DHX8: variants seen among roughly 807,000 people sequenced by gnomAD.
DHX8 encodes DEAH-box helicase 8.
DHX8 carries 67 observed loss-of-function variants against 140.7 expected under a neutral mutation model. The ratio of observed to expected loss-of-function variants is 0.48; its 90% CI spans 0.39 to 0.58. The LOEUF (loss-of-function observed/expected upper bound fraction) is 0.58, where lower values mean the gene tolerates loss of function less well. DHX8 is among the 20% of genes least tolerant of loss of function. The pLI, the probability that DHX8 is intolerant of heterozygous loss-of-function variation, is 0.00. For synonymous variants in DHX8, 533 were observed against 553.2 expected (o/e 0.96, Z 0.51); for missense variants, 887 against 1,550.7 (o/e 0.57, Z 7.19).
intron 7 of DHX8, 43 bp from the exon 8 acceptor site, chr17:43,493,640 A>G (rs1414330555): frequency 6.8e-6 from 11 of 1,614,186 alleles, no homozygotes; most frequent in Non-Finnish European, 9.3e-6. Flanking sequence ...AGGGAATGGA[A>G]GAGGACAGCA....
chr17:43,513,939 G>A lies in DHX8; in HGVS notation c.2643+437G>A, dbSNP rs116979274. Among the ~76,000 whole-genome samples, 1,058 of 151,868 alleles carry A rather than the reference G, an allele frequency of 7.0e-3. 6 individuals carry two copies. The highest frequency in any genetic ancestry group is 0.01 in the Middle Eastern group (3 of 290). The stretch of plus-strand genomic sequence containing the variant: ...TGTTGGTCAGGCTGGTCTTGAACTC[G>A]CAACCTCAGATGATCCACCCGTCTT... On this transcript the variant is annotated intron_variant, in intron 17 of 22. Coordinates refer to ENST00000262415, the MANE Select transcript of DHX8 (RefSeq NM_004941.3).
intron 15 of DHX8, 145 bp from the exon 16 acceptor site, chr17:43,508,194 T>A: frequency 8.2e-7 from 1 of 1,216,858 alleles, no homozygotes; most frequent in South Asian, 1.5e-5. Context: ...ATGTCATATA[T>A]AAACAAACTT....
chr17:43,521,690 T>C, intron 21 of DHX8, 125 bp downstream of exon 21: 1 of 919,378 alleles, frequency 1.1e-6, no homozygotes, highest in Non-Finnish European at 1.6e-6. Flanking sequence ...ATAACCCTTT[T>C]CCTCCAGCTT....
intron 2 of DHX8, among the ~76,000 whole-genome samples, chr17:43,536,117 AAAACAAACAAAC>A (rs113078365): frequency 2.6e-5 from 4 of 151,608 alleles, no homozygotes; most frequent in Non-Finnish European, 5.9e-5. Context: ...TCTTGGGGGG[AAAACAAACAAAC>A]AAACAAACAA....
rs942956841 is a variant in DHX8, at chr17:43,490,441, A to C, written c.285A>C (p.Pro95=). Residue 95 remains proline, a synonymous_variant, in exon 3 of 23, where the codon CCA becomes CCC. Coordinates refer to ENST00000262415, the MANE Select transcript of DHX8 (RefSeq NM_004941.3). The part of the protein sequence containing the change: ...LLRLIQTMRP[P]AKPSTSKDPV... ...GTCTCATACAAACCATGCGGCCTCC[A>C]GCGAAGCCTTCCACTAGCAAAGGTA... 6 of 1,613,772 alleles carry C rather than the reference A, an allele frequency of 3.7e-6. No individual in the cohort carries two copies. In the African/African-American group the frequency reaches 8.0e-5, roughly 22 times the overall value.
In DHX8 at chr17:43,507,088, C is replaced by G; in HGVS notation, c.1814C>G (p.Ala605Gly). ...CAGATCACCCAGTACCTGGCGGAGGCAGGCTACACTTCCAGGGGCAAGATT... is the reference window on the plus strand; with the variant it reads ...CAGATCACCCAGTACCTGGCGGAGGGAGGCTACACTTCCAGGGGCAAGATT... ...TTQITQYLAE[A>G]GYTSRGKIGC... The change falls in exon 13 of 23, where the codon GCA becomes GGA. Residue 605 changes from alanine (A) to glycine (G), a missense_variant. Physicochemically the swap from Ala to Gly is moderately conservative, Grantham distance 60. This residue lies in a region of DHX8 where 178 missense variants were observed against 398.5 expected (regional missense o/e 0.45). Transcript: ENST00000262415. 6.2e-7 allele frequency: 1 copy of G among 1,614,048 alleles called. No homozygotes were observed. Among genetic ancestry groups the G allele is most frequent in the Non-Finnish European group, 8.5e-7 (1 of 1,180,016 alleles).
Position 43,492,767 on chromosome 17 carries a change from A to T in DHX8, c.590A>T (p.Asp197Val), listed in dbSNP as rs748497565. ...GATAGGGAACGAAACCGAGATAGAGACCACAAGCGGAGACACCGATCCCGC... is the reference window on the plus strand; with the variant it reads ...GATAGGGAACGAAACCGAGATAGAGTCCACAAGCGGAGACACCGATCCCGC... ...DRDRERNRDR[D>V]HKRRHRSRSR... The change falls in exon 6 of 23, where the codon GAC becomes GTC. Residue 197 changes from aspartate (D) to valine (V), a missense_variant. Asp to Val is a radical substitution (Grantham distance 152). Transcript: ENST00000262415. The T allele has an allele frequency of 6.2e-7, 1 of 1,614,122 alleles. No individual in the cohort carries two copies. The highest frequency in any genetic ancestry group is 8.5e-7 in the Non-Finnish European group (1 of 1,179,974).
intron 1 of DHX8, 48 bp downstream of exon 1, chr17:43,484,233 C>CGGAAGGA (rs11279905): frequency 8.5e-6 from 13 of 1,529,926 alleles, no homozygotes; most frequent in Non-Finnish European, 1.1e-5. Flanking sequence ...TTGAGGGAAG[C>CGGAAGGA]GGAAGGAGGA....
chr17:43,485,934 C>T (rs1416432390), intron 1 of DHX8, among the ~76,000 whole-genome samples: 6 of 152,150 alleles, frequency 3.9e-5, no homozygotes, highest in Non-Finnish European at 7.3e-5. Context: ...TGGTGGCTCA[C>T]GCCTGTAATC....
intron 17 of DHX8, among the ~76,000 whole-genome samples, chr17:43,515,851 T>C (rs146467711): frequency 6.6e-6 from 1 of 152,284 alleles, no homozygotes; most frequent in East Asian, 1.9e-4. Context: ...TATCCTTTGG[T>C]TTGGAGCTGG....
At chr17:43,532,392 G>T (rs1460838871) in intron 2 of DHX8, among the ~76,000 whole-genome samples, 1 of 152,044 alleles carries the variant, frequency 6.6e-6, no homozygotes, top group Non-Finnish European at 1.5e-5. Context: ...CCAGGTACTC[G>T]GGAGGCTGAG....
chr17:43,504,878 AG>A, intron 12 of DHX8, 53 bp downstream of exon 12: 1 of 1,506,488 alleles, frequency 6.6e-7, no homozygotes, highest in Non-Finnish European at 9.0e-7. Context: ...TGTCTAAAAG[AG>A]GGGTGATATT....
At chr17:43,497,809 A>G (rs1968950617) in intron 9 of DHX8, among the ~76,000 whole-genome samples, 1 of 152,132 alleles carries the variant, frequency 6.6e-6, no homozygotes, top group South Asian at 2.1e-4. Flanking sequence ...TTTGCTGGGC[A>G]GTTCCAAATT....
downstream of DHX8, chr17:43,526,026 G>C (rs147872257): frequency 6.1e-6 from 6 of 985,368 alleles, no homozygotes; most frequent in East Asian, 5.7e-4. Context: ...ATCTCTCTAC[G>C]CTAGAGCTGA....
intron 17 of DHX8, among the ~76,000 whole-genome samples, chr17:43,514,736 A>G (rs1475037848): frequency 6.6e-6 from 1 of 152,224 alleles, no homozygotes; most frequent in Non-Finnish European, 1.5e-5. Context: ...ATTGGTTTAT[A>G]TCAGAGGAAA....
intron 4 of DHX8, 140 bp from the exon 5 acceptor site, chr17:43,492,043 C>A: frequency 1.6e-6 from 1 of 634,630 alleles, no homozygotes; most frequent in Non-Finnish European, 2.8e-6. Flanking sequence ...TCTTCTGCAT[C>A]TATCCTGAAT....
At chr17:43,498,362 G>C (rs1968990074) in intron 9 of DHX8, among the ~76,000 whole-genome samples, 2 of 151,884 alleles carry the variant, frequency 1.3e-5, no homozygotes, top group South Asian at 4.1e-4. Flanking sequence ...GACCAGGCTG[G>C]TCTGGAACTC....
chr17:43,535,813 T>G (rs1213714753), intron 2 of DHX8, among the ~76,000 whole-genome samples: 1 of 152,164 alleles, frequency 6.6e-6, no homozygotes, highest in Non-Finnish European at 1.5e-5. Context: ...GGAAGTGACT[T>G]AGAATACTAG....
intron 15 of DHX8, 141 bp downstream of exon 15, chr17:43,508,160 A>G (rs1317152377): frequency 1.6e-5 from 18 of 1,134,080 alleles, no homozygotes; most frequent in Admixed American, 5.5e-5. Context: ...TCAGGCTTGT[A>G]TGTTTGAAAT....
Sources: allele counts gnomAD v4.1 joint callset (sites outside exome capture counted in the v4.1 genomes callset), GRCh38; gene constraint gnomAD v4.1.1; regional missense constraint gnomAD v4.1.1; transcripts MANE v1.5; gene names NCBI Gene and HGNC (gene_info 2026-07-23, HGNC 2026-07-21).